The following TMEM74 variants were observed in gnomAD, a reference collection of about 807,000 sequenced individuals.
The protein encoded by TMEM74 is transmembrane protein 74.
In TMEM74, 13 loss-of-function variants were observed where a neutral mutation model predicts 18.1. The observed-to-expected ratio is 0.72, with a 90% CI of 0.47 to 1.14. The LOEUF is 1.14. Among genes scored for constraint, TMEM74 ranks in the 50% most tolerant of loss-of-function variants. The pLI, the probability that TMEM74 is intolerant of heterozygous loss-of-function variation, is 0.00. For missense variants in TMEM74, 372 were observed against 375.9 expected, an observed-to-expected ratio of 0.99 and a Z score of 0.09; for synonymous variants, 159 against 146.6, an observed-to-expected ratio of 1.08 and a Z score of -0.61.
At chr8:108,655,754 T>C (rs1812815284) in intron 1 of TMEM74, among the ~76,000 whole-genome samples, 1 of 152,128 alleles carries the variant, frequency 6.6e-6, no homozygotes, top group Admixed American at 6.6e-5. Flanking sequence ...CTGGTTATTA[T>C]AAGTATCAGA....
At chr8:108,640,994 T>A (rs1300497573) in intron 2 of TMEM74, among the ~76,000 whole-genome samples, 3 of 152,178 alleles carry the variant, frequency 2.0e-5, no homozygotes, top group East Asian at 3.9e-4. Flanking sequence ...TGCTTTCAAC[T>A]TTTTCTCCCT....
intron 1 of TMEM74, among the ~76,000 whole-genome samples, chr8:108,660,166 G>C (rs1332485744): frequency 6.6e-6 from 1 of 152,116 alleles, no homozygotes; most frequent in African/African-American, 2.4e-5. Flanking sequence ...CAGAAATCTA[G>C]ATGTTATCTC....
intron 1 of TMEM74, among the ~76,000 whole-genome samples, chr8:108,670,676 A>G (rs999440693): frequency 1.3e-5 from 2 of 152,194 alleles, no homozygotes; most frequent in African/African-American, 4.8e-5. Flanking sequence ...ATCTTTGTGG[A>G]AAGTCAGGAT....
At chr8:108,623,143 G>GT (rs1195974935) in intron 2 of TMEM74, among the ~76,000 whole-genome samples, 1 of 152,056 alleles carries the variant, frequency 6.6e-6, no homozygotes, top group Non-Finnish European at 1.5e-5. Context: ...TTTAGAAATA[G>GT]TTAAGTGTAA....
chr8:108,701,373 A>T (rs2130615546), intron 1 of TMEM74, among the ~76,000 whole-genome samples: 1 of 152,344 alleles, frequency 6.6e-6, no homozygotes, highest in East Asian at 1.9e-4. Context: ...TTTCAACATC[A>T]TACTGAAAAT....
At chr8:108,610,246 C>T (rs1812321602) in intron 2 of TMEM74, among the ~76,000 whole-genome samples, 1 of 152,142 alleles carries the variant, frequency 6.6e-6, no homozygotes, top group Non-Finnish European at 1.5e-5. Context: ...CTGAGATCAT[C>T]CTTCCCCGAG....
intron 1 of TMEM74, among the ~76,000 whole-genome samples, chr8:108,688,147 T>C (rs1813190210): frequency 6.6e-6 from 1 of 152,218 alleles, no homozygotes; most frequent in Admixed American, 6.5e-5. Context: ...AGATCGATAA[T>C]GGCCAATGCT....
At chr8:108,746,578 T>C (rs1000337439) in intron 1 of TMEM74, among the ~76,000 whole-genome samples, 32 of 152,254 alleles carry the variant, frequency 2.1e-4, no homozygotes, top group East Asian at 7.8e-4. Flanking sequence ...GACACAGAGC[T>C]CCTAAAACCC....
In TMEM74 at chr8:108,762,106, C is replaced by T. The variant is rs534795240; in HGVS notation, n.119+25370G>A. On this transcript the variant is annotated intron_variant and non_coding_transcript_variant, in intron 1 of 3. Coordinates refer to the TMEM74 transcript ENST00000518838. ...AAGTTGACAGGATAGACATCATCTT[C>T]AATAAGATTTTGAGGCAGAAACAAC... is the stretch of plus-strand genomic sequence containing the variant. 2.4e-4 allele frequency among the ~76,000 whole-genome samples: 37 copies of T among 152,264 alleles called. 1 individual carries two copies. The South Asian group carries it at 4.1e-3, about 17-fold the overall frequency.
chr8:108,681,705 G>A (rs1290551318), intron 1 of TMEM74, among the ~76,000 whole-genome samples: 3 of 152,134 alleles, frequency 2.0e-5, no homozygotes, highest in Non-Finnish European at 2.9e-5. Flanking sequence ...ATGAGTATGA[G>A]TTCCTTTTGG....
intron 2 of TMEM74, among the ~76,000 whole-genome samples, chr8:108,611,165 A>G (rs910941984): frequency 9.2e-5 from 14 of 152,236 alleles, no homozygotes; most frequent in African/African-American, 3.4e-4. Context: ...TCATTTAAAC[A>G]TGAAGTAAAT....
intron 2 of TMEM74, among the ~76,000 whole-genome samples, chr8:108,646,696 A>C (rs1812723613): frequency 6.6e-6 from 1 of 152,180 alleles, no homozygotes; most frequent in Admixed American, 6.6e-5. Context: ...TGACAGTTTT[A>C]ACATTGGCAT....
chr8:108,712,244 A>G (rs1472215766), intron 1 of TMEM74, among the ~76,000 whole-genome samples: 2 of 152,124 alleles, frequency 1.3e-5, no homozygotes, highest in African/African-American at 4.8e-5. Flanking sequence ...TATCAATCCA[A>G]TGCCAACTCT....
At chr8:108,643,400 T>C (rs1393183287) in intron 2 of TMEM74, among the ~76,000 whole-genome samples, 1 of 152,186 alleles carries the variant, frequency 6.6e-6, no homozygotes, top group Non-Finnish European at 1.5e-5. Context: ...ATTATTTCAC[T>C]TATAACTTGA....
chr8:108,717,120 A>G (rs1813534273), intron 1 of TMEM74, among the ~76,000 whole-genome samples: 1 of 152,076 alleles, frequency 6.6e-6, no homozygotes, highest in South Asian at 2.1e-4. Context: ...ATGAGCACAA[A>G]AAAGAAAATT....
intron 1 of TMEM74, among the ~76,000 whole-genome samples, chr8:108,697,464 C>CTGAG (rs1326015870): frequency 6.6e-6 from 1 of 152,130 alleles, no homozygotes. Flanking sequence ...GTCATCCAGG[C>CTGAG]TGAGGGCAGT....
At chr8:108,614,050 T>G (rs916766331) in intron 2 of TMEM74, among the ~76,000 whole-genome samples, 45 of 150,130 alleles carry the variant, frequency 3.0e-4, no homozygotes, top group South Asian at 4.2e-4. Context: ...TTTTTTTTTT[T>G]GTATGGGGTA....
chr8:108,764,199 A>G (rs1814076345), intron 1 of TMEM74, among the ~76,000 whole-genome samples: 1 of 152,144 alleles, frequency 6.6e-6, no homozygotes, highest in Non-Finnish European at 1.5e-5. Flanking sequence ...AATTTACAGC[A>G]ATGGCATACC....
chr8:108,762,609 T>A (rs530823258), intron 1 of TMEM74, among the ~76,000 whole-genome samples: 19 of 152,074 alleles, frequency 1.2e-4, no homozygotes, highest in Non-Finnish European at 2.8e-4. Context: ...CCAACATCAT[T>A]TCCTTATATA....
Sources: allele counts gnomAD v4.1 joint callset (sites outside exome capture counted in the v4.1 genomes callset), GRCh38; gene constraint gnomAD v4.1.1; transcripts MANE v1.5; gene names NCBI Gene and HGNC (gene_info 2026-07-23, HGNC 2026-07-21).